Variants in SLC3A1 observed in about 807,000 individuals in gnomAD.
The protein encoded by SLC3A1 is solute carrier family 3 member 1.
In SLC3A1, 78 loss-of-function variants were observed where a neutral mutation model predicts 60.3. That is an observed-to-expected ratio of 1.29 (90% CI 1.08 to 1.56). SLC3A1 has a LOEUF of 1.56. SLC3A1 is among the 40% of genes most tolerant of loss of function. SLC3A1 has a pLI of 0.00. For synonymous variants in SLC3A1, 392 were observed against 307.9 expected (o/e 1.27, Z -2.86); for missense variants, 1,172 against 858.9 (o/e 1.36, Z -4.56).
At chr2:44,301,958 G>C (rs897391487) in intron 6 of SLC3A1, among the ~76,000 whole-genome samples, 2 of 152,144 alleles carry the variant, frequency 1.3e-5, no homozygotes, top group African/African-American at 4.8e-5. Flanking sequence ...GGGAGGCTGA[G>C]GCAGGAGAAT....
In SLC3A1 at chr2:44,320,593, G is replaced by A. The variant is rs762511951; in HGVS notation, c.2012G>A (p.Arg671Gln). ...AFRDRCFVSN[R>Q]ACYSSVLNIL... Reference sequence around the variant, plus strand: ...AGAGATAGATGCTTTGTTTCCAATCGAGCATGCTATTCCAGTGTACTGAAC... The same window carrying A: ...AGAGATAGATGCTTTGTTTCCAATCAAGCATGCTATTCCAGTGTACTGAAC... The change falls in exon 10 of 10, where the codon CGA becomes CAA. Residue 671 changes from arginine to glutamine, a missense_variant. Physicochemically the swap from Arg to Gln is conservative, Grantham distance 43. Coordinates refer to ENST00000260649, the MANE Select transcript of SLC3A1 (RefSeq NM_000341.4). 7.4e-6 allele frequency: 12 copies of A among 1,613,758 alleles called. No individual in the cohort carries two copies. Among genetic ancestry groups the A allele is most frequent in the Admixed American group, 1.7e-5 (1 of 59,974 alleles).
intron 6 of SLC3A1, 34 bp from the exon 7 acceptor site, chr2:44,304,109 C>T (rs1558464340): frequency 6.4e-7 from 1 of 1,567,006 alleles, no homozygotes; most frequent in African/African-American, 1.3e-5. Context: ...TTCTGACAGG[C>T]CCCGATGACA....
At chr2:44,296,490 A>G (rs1355477460) in intron 4 of SLC3A1, among the ~76,000 whole-genome samples, 2 of 152,182 alleles carry the variant, frequency 1.3e-5, no homozygotes, top group Admixed American at 6.5e-5. Flanking sequence ...GAAAAATTCC[A>G]CTGGGTAGAG....
At chr2:44,314,679 A>C (rs532761114) in intron 9 of SLC3A1, 9 of 153,088 alleles carry the variant, frequency 5.9e-5, no homozygotes, top group Admixed American at 2.0e-4. Flanking sequence ...AAAGCCACAC[A>C]AACCCTCCTG....
At position 44,287,395 on chromosome 2, in the gene SLC3A1, G is replaced by A. The variant is rs79437415; in HGVS notation, c.891+1238G>A. Among the ~76,000 whole-genome samples, 954 of 152,254 alleles carry A rather than the reference G, an allele frequency of 6.3e-3. 12 individuals carry two copies. Among genetic ancestry groups the A allele is most frequent in the African/African-American group, 0.021 (889 of 41,538 alleles). On this transcript the variant is annotated intron_variant, in intron 4 of 9. Coordinates refer to ENST00000260649, the MANE Select transcript of SLC3A1 (RefSeq NM_000341.4). ...AAAGAAGAACAAATGGAAAGGTCCC[G>A]AGGTGAGAGTGTGGTTCATGTGTTT...
At position 44,315,802 on chromosome 2, in the gene SLC3A1, T is replaced by C. The variant is rs986400165; in HGVS notation, c.1617+1851T>C. ...TAATTTCCCTAAGGAAAAAAAAATC[T>C]AGAACTGTTTGGTGATCACATGCAT... On this transcript the variant is annotated intron_variant, in intron 9 of 9. Coordinates refer to ENST00000260649, the MANE Select transcript of SLC3A1 (RefSeq NM_000341.4). 2.6e-5 allele frequency among the ~76,000 whole-genome samples: 4 copies of C among 151,498 alleles called. No homozygotes were observed. The East Asian group carries it at 5.8e-4, about 22-fold the overall frequency.
Position 44,321,290 on chromosome 2 carries a change from ACT to A in SLC3A1, c.*653_*654del. 2 of 1,300,492 alleles carry A rather than the reference ACT, an allele frequency of 1.5e-6. No individual in the cohort carries two copies. The highest frequency in any genetic ancestry group is 2.3e-5 in the Admixed American group (1 of 42,918). The allele number at this position is 1,300,492 out of a possible 1,614,324, so 80.6% of individuals were successfully genotyped here. ...CAAGTTATTAATTTTTTTTTTGCTAACTCAATTGGAAGTAAGACTATGAAATA... is the reference window on the plus strand; with the variant it reads ...CAAGTTATTAATTTTTTTTTTGCTAACAATTGGAAGTAAGACTATGAAATA... On this transcript the variant is annotated 3_prime_UTR_variant, in exon 10 of 10. Coordinates refer to ENST00000260649, the MANE Select transcript of SLC3A1 (RefSeq NM_000341.4).
chr2:44,289,094 C>T lies in SLC3A1; in HGVS notation c.891+2937C>T, dbSNP rs1671680621. The stretch of plus-strand genomic sequence containing the variant: ...AAGCAATCCTCCCTCCTTGGCCTCC[C>T]ACAGTGCTGGGATTACAGGTGTGAG... On this transcript the variant is annotated intron_variant, in intron 4 of 9. Transcript: ENST00000260649. Among the ~76,000 whole-genome samples, 6 of 152,176 alleles carry T rather than the reference C, an allele frequency of 3.9e-5. No homozygotes were observed. In the South Asian group the frequency reaches 1.2e-3, roughly 32 times the overall value.
At chr2:44,283,413 A>G (rs1359306233) in intron 3 of SLC3A1, among the ~76,000 whole-genome samples, 1 of 152,220 alleles carries the variant, frequency 6.6e-6, no homozygotes, top group African/African-American at 2.4e-5. Flanking sequence ...ACTCTGTGCC[A>G]GGCTCTGTGC....
In SLC3A1 at chr2:44,304,169, A is replaced by T. The variant is rs1304768260; in HGVS notation, c.1163A>T (p.Glu388Val). The T allele has an allele frequency of 3.1e-6, 5 of 1,614,006 alleles. No individual in the cohort carries two copies. The highest frequency in any genetic ancestry group is 4.2e-6 in the Non-Finnish European group (5 of 1,179,984). ...TTCATGGGGACTGAAGCCTATGCAG[A>T]GAGTATTGACAGGACCGTGATGTAC... Reference protein sequence around the residue: ...YRFMGTEAYAESIDRTVMYYG... With the variant: ...YRFMGTEAYAVSIDRTVMYYG... Residue 388 changes from glutamate (E) to valine (V), a missense_variant, in exon 7 of 10, where the codon GAG becomes GTG. Coordinates refer to ENST00000260649, the MANE Select transcript of SLC3A1 (RefSeq NM_000341.4).
At chr2:44,317,067 A>C (rs1286531784) in intron 9 of SLC3A1, among the ~76,000 whole-genome samples, 2 of 152,158 alleles carry the variant, frequency 1.3e-5, no homozygotes, top group Admixed American at 6.5e-5. Flanking sequence ...GAGCAAGCAA[A>C]TGAGAGAGCA....
intron 4 of SLC3A1, among the ~76,000 whole-genome samples, chr2:44,288,641 C>T (rs2104346227): frequency 6.6e-6 from 1 of 152,344 alleles, no homozygotes; most frequent in Admixed American, 6.5e-5. Flanking sequence ...AATTTCTCCA[C>T]ATTCTCACCA....
chr2:44,308,066 C>A (rs1290393369), intron 7 of SLC3A1, among the ~76,000 whole-genome samples: 2 of 152,196 alleles, frequency 1.3e-5, no homozygotes, highest in East Asian at 1.9e-4. Flanking sequence ...CCCAGGAGTT[C>A]AAGTTTGCCT....
At chr2:44,288,867 C>G (rs1671675817) in intron 4 of SLC3A1, among the ~76,000 whole-genome samples, 1 of 152,130 alleles carries the variant, frequency 6.6e-6, no homozygotes, top group Non-Finnish European at 1.5e-5. Context: ...TAGAGTTTCA[C>G]TCTGTCACCC....
chr2:44,314,210 C>G, intron 9 of SLC3A1: 1 of 865,654 alleles, frequency 1.2e-6, no homozygotes, highest in South Asian at 1.9e-5. Flanking sequence ...TTACTAAGGC[C>G]TTTGAGCTAT....
At chr2:44,303,653 C>T (rs1672075445) in intron 6 of SLC3A1, among the ~76,000 whole-genome samples, 1 of 152,004 alleles carries the variant, frequency 6.6e-6, no homozygotes, top group African/African-American at 2.4e-5. Context: ...CATAGGTATA[C>T]ATGTGCCATG....
Position 44,304,720 on chromosome 2 carries a change from T to G in SLC3A1, c.1332+382T>G, listed in dbSNP as rs566753345. ...CATAAAACTGTGACAAAACACCAAT[T>G]TGTGGGGCAGGATGCACTGCAAAAA... On this transcript the variant is annotated intron_variant, in intron 7 of 9. Transcript: ENST00000260649. Among the ~76,000 whole-genome samples, 68 of 152,182 alleles carry G rather than the reference T, an allele frequency of 4.5e-4. 2 individuals are homozygous for G. The South Asian group carries it at 0.013, about 30-fold the overall frequency.
chr2:44,284,202 C>A (rs113540712), intron 3 of SLC3A1, among the ~76,000 whole-genome samples: 14 of 152,126 alleles, frequency 9.2e-5, no homozygotes, highest in African/African-American at 2.9e-4. Flanking sequence ...GCCTCAGCCT[C>A]TCAAGTAGCT....
Position 44,300,077 on chromosome 2 carries a change from A to G in SLC3A1, c.998A>G (p.Lys333Arg), listed in dbSNP as rs781629023. ...CTGAGAGATGAGATCCAAGTAAATAAGACCCAAATCCCGGTAAAGTTTTAT... is the reference window on the plus strand; with the variant it reads ...CTGAGAGATGAGATCCAAGTAAATAGGACCCAAATCCCGGTAAAGTTTTAT... ...KHLRDEIQVN[K>R]TQIPDTVTQY... is the part of the protein sequence containing the mutation. Residue 333 changes from lysine (K) to arginine (R), a missense_variant, in exon 5 of 10, where the codon AAG (lysine) becomes AGG (arginine). Transcript: ENST00000260649. The G allele has an allele frequency of 6.2e-7, 1 of 1,614,028 alleles. No individual in the cohort carries two copies. Among genetic ancestry groups the G allele is most frequent in the Non-Finnish European group, 8.5e-7 (1 of 1,179,892 alleles).
Sources: allele counts gnomAD v4.1 joint callset (sites outside exome capture counted in the v4.1 genomes callset), GRCh38; gene constraint gnomAD v4.1.1; transcripts MANE v1.5; gene names NCBI Gene and HGNC (gene_info 2026-07-23, HGNC 2026-07-21).